Variants in EXOC6B observed in about 807,000 individuals in gnomAD.
EXOC6B encodes SEC15 homolog B.
A neutral mutation model predicts 113.5 loss-of-function variants in EXOC6B; 54 were observed. That is an observed-to-expected ratio of 0.48 (90% CI 0.38 to 0.60). EXOC6B has a LOEUF of 0.60. EXOC6B is among the 20% of genes least tolerant of loss of function. EXOC6B has a pLI of 0.00. For synonymous variants in EXOC6B, 357 were observed against 339.0 expected (o/e 1.05, Z -0.58); for missense variants, 797 against 977.5 (o/e 0.82, Z 2.46).
intron 20 of EXOC6B, among the ~76,000 whole-genome samples, chr2:72,266,954 C>A (rs1222453902): frequency 6.6e-6 from 1 of 152,086 alleles, no homozygotes; most frequent in African/African-American, 2.4e-5. Flanking sequence ...TGTAGTTCTC[C>A]TTGAAGAGGT....
At chr2:72,751,376 T>C (rs1437208212) in intron 1 of EXOC6B, among the ~76,000 whole-genome samples, 1 of 152,090 alleles carries the variant, frequency 6.6e-6, no homozygotes, top group African/African-American at 2.4e-5. Flanking sequence ...AGAGTTATTA[T>C]CAGTAGAAAG....
At chr2:72,400,995 A>G (rs185146704) in intron 18 of EXOC6B, among the ~76,000 whole-genome samples, 1 of 152,130 alleles carries the variant, frequency 6.6e-6, no homozygotes, top group East Asian at 1.9e-4. Context: ...ACGTTCATAT[A>G]TTTATCACAG....
intron 5 of EXOC6B, among the ~76,000 whole-genome samples, chr2:72,727,641 C>T (rs1048033647): frequency 6.6e-6 from 1 of 152,162 alleles, no homozygotes; most frequent in Non-Finnish European, 1.5e-5. Flanking sequence ...GTAGGAACCA[C>T]ATTAAAGTAA....
chr2:72,597,915 TAACA>T (rs1404209464), intron 6 of EXOC6B, among the ~76,000 whole-genome samples: 9 of 151,928 alleles, frequency 5.9e-5, no homozygotes, highest in Non-Finnish European at 1.2e-4. Flanking sequence ...GGTATGCACC[TAACA>T]ACAGAGCACC....
chr2:72,310,895 A>G (rs150543375), intron 20 of EXOC6B, among the ~76,000 whole-genome samples: 2 of 151,540 alleles, frequency 1.3e-5, no homozygotes, highest in Non-Finnish European at 2.9e-5. Context: ...ACACAGAGCT[A>G]GTATTAATAT....
intron 1 of EXOC6B, among the ~76,000 whole-genome samples, chr2:72,795,292 A>T (rs2105055655): frequency 1.3e-5 from 2 of 152,354 alleles, no homozygotes; most frequent in East Asian, 3.9e-4. Context: ...AAGACATTTC[A>T]TCACATTTGG....
At chr2:72,508,560 C>T (rs916529334) in intron 11 of EXOC6B, among the ~76,000 whole-genome samples, 2 of 151,992 alleles carry the variant, frequency 1.3e-5, no homozygotes, top group African/African-American at 4.8e-5. Context: ...TCACCTGAGG[C>T]CAGGAGTTCA....
chr2:72,694,953 C>T (rs1573636436), intron 6 of EXOC6B, among the ~76,000 whole-genome samples: 2 of 152,270 alleles, frequency 1.3e-5, no homozygotes, highest in East Asian at 3.9e-4. Flanking sequence ...AGATTCAAGG[C>T]TTTGCCTGGA....
chr2:72,417,340 T>C (rs956463804), intron 18 of EXOC6B, among the ~76,000 whole-genome samples: 1 of 152,192 alleles, frequency 6.6e-6, no homozygotes, highest in Admixed American at 6.5e-5. Context: ...GTATTTTTAG[T>C]AGAGGCAGGG....
chr2:72,728,939 A>G (rs540014155), intron 5 of EXOC6B, among the ~76,000 whole-genome samples: 9 of 152,316 alleles, frequency 5.9e-5, no homozygotes, highest in African/African-American at 2.2e-4. Context: ...ATCTATACAC[A>G]TAAAGAAAAT....
Position 72,329,639 on chromosome 2 carries a change from G to C in EXOC6B, c.2196+5308C>G, listed in dbSNP as rs180790315. Among the ~76,000 whole-genome samples, 226 of 152,044 alleles carry C rather than the reference G, an allele frequency of 1.5e-3. 1 individual carries two copies. Among genetic ancestry groups the C allele is most frequent in the African/African-American group, 5.2e-3 (215 of 41,486 alleles). On this transcript the variant is annotated intron_variant, in intron 20 of 21. Transcript: ENST00000272427. ...GGAACACATAATATTCACTAGACTT[G>C]GGCAATTTGATTTGAAAATCAAAAT...
In EXOC6B at chr2:72,544,196, TAAAC is replaced by T. The variant is rs1442270691; in HGVS notation, c.915+15253_915+15256del. ...GTCTAAATATCCACTCCTGAAACAT[TAAAC>T]AGTCACCTGAATTTCTTAAAACTAA... is the stretch of plus-strand genomic sequence containing the variant. On this transcript the variant is annotated intron_variant, in intron 8 of 21. Coordinates refer to ENST00000272427, the MANE Select transcript of EXOC6B (RefSeq NM_015189.3). Among the ~76,000 whole-genome samples the T allele has an allele frequency of 1.3e-5, 2 of 152,290 alleles. 1 individual carries two copies. Among genetic ancestry groups the T allele is most frequent in the Middle Eastern group, 6.8e-3 (2 of 294 alleles).
chr2:72,335,512 C>T (rs1688642690), intron 19 of EXOC6B, among the ~76,000 whole-genome samples: 1 of 151,370 alleles, frequency 6.6e-6, no homozygotes, highest in South Asian at 2.1e-4. Flanking sequence ...ATTATTCCCT[C>T]ACTGATTATT....
chr2:72,671,791 G>GAA (rs765610784), intron 6 of EXOC6B, among the ~76,000 whole-genome samples: 4,953 of 107,266 alleles, frequency 0.046, 200 homozygotes, highest in African/African-American at 0.079. Flanking sequence ...AAGAAAGAAA[G>GAA]AAAGAAAGAA....
intron 6 of EXOC6B, among the ~76,000 whole-genome samples, chr2:72,680,934 G>A (rs991589038): frequency 1.3e-5 from 2 of 151,994 alleles, no homozygotes; most frequent in Non-Finnish European, 1.5e-5. Flanking sequence ...GAGGTTTATC[G>A]CTCTTCAGTG....
rs35504578 is a variant in EXOC6B at position 72,663,060 on chromosome 2, C to T, written c.669+55043G>A. ...AAGTAAAACTGCACCTACCCTAAGACCCAGCGATCTCATTCCACAGTATTT... is the reference window on the plus strand; with the variant it reads ...AAGTAAAACTGCACCTACCCTAAGATCCAGCGATCTCATTCCACAGTATTT... On this transcript the variant is annotated intron_variant, in intron 6 of 21. Transcript: ENST00000272427. Among the ~76,000 whole-genome samples the T allele has an allele frequency of 9.7e-3, 1,476 of 152,206 alleles. 37 individuals are homozygous for T. The highest frequency in any genetic ancestry group is 0.034 in the African/African-American group (1,422 of 41,510).
chr2:72,620,507 T>A (rs1006964981), intron 6 of EXOC6B, among the ~76,000 whole-genome samples: 18 of 151,346 alleles, frequency 1.2e-4, no homozygotes, highest in African/African-American at 3.6e-4. Context: ...AATTTTAAAT[T>A]TAAATTTTAA....
intron 6 of EXOC6B, among the ~76,000 whole-genome samples, chr2:72,580,086 A>G (rs1705121349): frequency 6.6e-6 from 1 of 151,674 alleles, no homozygotes; most frequent in South Asian, 2.1e-4. Context: ...ACAACGAAAA[A>G]CAAAAAAAAG....
At chr2:72,224,237 T>C (rs1174875898) in intron 20 of EXOC6B, among the ~76,000 whole-genome samples, 1 of 152,228 alleles carries the variant, frequency 6.6e-6, no homozygotes, top group Non-Finnish European at 1.5e-5. Flanking sequence ...TATTAACTCC[T>C]CTGCAAGGTT....
Sources: allele counts gnomAD v4.1 joint callset (sites outside exome capture counted in the v4.1 genomes callset), GRCh38; gene constraint gnomAD v4.1.1; transcripts MANE v1.5; gene names NCBI Gene and HGNC (gene_info 2026-07-23, HGNC 2026-07-21).